The following TCF7L1 variants were observed in gnomAD, a reference collection of about 807,000 sequenced individuals.
TCF7L1 encodes transcription factor 7-like 1.
TCF7L1 carries 18 observed loss-of-function variants against 63.7 expected under a neutral mutation model. The observed-to-expected ratio is 0.28, with a 90% CI of 0.20 to 0.42. The LOEUF (loss-of-function observed/expected upper bound fraction) is 0.42. Ranked by LOEUF, TCF7L1 falls within the 10% of genes least tolerant of loss-of-function variation. TCF7L1 has a pLI of 1.00. For missense variants in TCF7L1, 654 were observed against 779.3 expected, an observed-to-expected ratio of 0.84 and a Z score of 1.91; for synonymous variants, 355 against 340.9, an observed-to-expected ratio of 1.04 and a Z score of -0.46.
Position 85,209,423 on chromosome 2 carries a change from G to A in TCF7L1, c.442-74072G>A, listed in dbSNP as rs139957455. 5.9e-3 allele frequency among the ~76,000 whole-genome samples: 897 copies of A among 152,358 alleles called. 11 individuals are homozygous for A. The highest frequency in any genetic ancestry group is 0.02 in the African/African-American group (841 of 41,572). ...ACTAGGTGTTTCAGTGGCAGTGCCA[G>A]TACTTGCTGGGAATCCTGCTGCTTT... On this transcript the variant is annotated intron_variant, in intron 3 of 11. Transcript: ENST00000282111.
chr2:85,233,434 G>A (rs11690145), intron 3 of TCF7L1, among the ~76,000 whole-genome samples: 4 of 150,724 alleles, frequency 2.7e-5, no homozygotes, highest in African/African-American at 9.8e-5. Context: ...TCCTGCCTCA[G>A]TCTCCTGAGT....
Position 85,309,757 on chromosome 2 carries a change from C to A in TCF7L1, c.*295C>A. 5.9e-6 allele frequency: 2 copies of A among 337,576 alleles called. No individual in the cohort carries two copies. Among genetic ancestry groups the A allele is most frequent in the South Asian group, 2.3e-4 (2 of 8,730 alleles). 20.9% of individuals were successfully genotyped at this position (337,576 alleles called of 1,614,324 possible). On this transcript the variant is annotated 3_prime_UTR_variant, in exon 12 of 12. Coordinates refer to ENST00000282111, the MANE Select transcript of TCF7L1 (RefSeq NM_031283.3). ...GGATGGACCTGGGCAGAGGGCACTT[C>A]TCTCTCTTACCTCTCTTGCACTTTC...
intron 3 of TCF7L1, among the ~76,000 whole-genome samples, chr2:85,205,639 C>G (rs1477770478): frequency 6.6e-6 from 1 of 152,008 alleles, no homozygotes; most frequent in East Asian, 1.9e-4. Context: ...TCAAGCGATC[C>G]TCCCACCTCA....
intron 3 of TCF7L1, among the ~76,000 whole-genome samples, chr2:85,141,204 C>T (rs182101363): frequency 8.1e-6 from 1 of 123,104 alleles, no homozygotes; most frequent in African/African-American, 3.2e-5. Flanking sequence ...CACTGCACCC[C>T]AGCTTGGGTG....
chr2:85,294,760 C>T (rs573925269), intron 4 of TCF7L1, among the ~76,000 whole-genome samples: 25 of 152,208 alleles, frequency 1.6e-4, no homozygotes, highest in Non-Finnish European at 2.9e-4. Flanking sequence ...CAGCCAGGCA[C>T]GGTGACTCAC....
chr2:85,263,170 C>T lies in TCF7L1; in HGVS notation c.442-20325C>T, dbSNP rs560732341. ...ACTTGGGGGCATAAATAGTGAAACA[C>T]TCAGAGAATGGAATGATTGGCTGGC... On this transcript the variant is annotated intron_variant, in intron 3 of 11. Transcript: ENST00000282111. Among the ~76,000 whole-genome samples, 24 of 152,314 alleles carry T rather than the reference C, an allele frequency of 1.6e-4. No homozygotes were observed. In the South Asian group the frequency reaches 4.3e-3, roughly 28 times the overall value.
chr2:85,220,659 C>G (rs933856165), intron 3 of TCF7L1, among the ~76,000 whole-genome samples: 1 of 152,124 alleles, frequency 6.6e-6, no homozygotes, highest in Non-Finnish European at 1.5e-5. Context: ...CCACTGCACC[C>G]AGCCTATAGT....
intron 3 of TCF7L1, among the ~76,000 whole-genome samples, chr2:85,249,975 A>G (rs1216571060): frequency 6.6e-6 from 1 of 152,260 alleles, no homozygotes; most frequent in Admixed American, 6.5e-5. Flanking sequence ...ACATAGGGAC[A>G]GAGAAAGGTA....
At chr2:85,167,725 A>G (rs1457582596) in intron 3 of TCF7L1, among the ~76,000 whole-genome samples, 2 of 152,156 alleles carry the variant, frequency 1.3e-5, no homozygotes, top group Non-Finnish European at 2.9e-5. Flanking sequence ...TAAGCTGAGC[A>G]TGGTGGCACA....
intron 3 of TCF7L1, among the ~76,000 whole-genome samples, chr2:85,137,892 CAA>C (rs374829785): frequency 6.1e-4 from 41 of 67,736 alleles, no homozygotes; most frequent in Non-Finnish European, 6.4e-4. Flanking sequence ...GACTCTGCCT[CAA>C]AAAAAAAAAA....
At chr2:85,284,120 C>T (rs1354947730) in intron 4 of TCF7L1, among the ~76,000 whole-genome samples, 2 of 152,236 alleles carry the variant, frequency 1.3e-5, no homozygotes, top group African/African-American at 2.4e-5. Flanking sequence ...AAGCGATTCT[C>T]CTGCCTCAGC....
Position 85,248,394 on chromosome 2 carries a change from T to C in TCF7L1, c.442-35101T>C, listed in dbSNP as rs550160954. 2.0e-5 allele frequency among the ~76,000 whole-genome samples: 3 copies of C among 152,212 alleles called. No homozygotes were observed. In the South Asian group the frequency reaches 6.2e-4, roughly 32 times the overall value. On this transcript the variant is annotated intron_variant, in intron 3 of 11. Coordinates refer to ENST00000282111, the MANE Select transcript of TCF7L1 (RefSeq NM_031283.3). ...GCATTTCTAACACAATTCCACATAG[T>C]GCTGATGGTACTGGTCCAGGGAACA...
intron 4 of TCF7L1, among the ~76,000 whole-genome samples, chr2:85,301,198 T>G (rs923387192): frequency 2.0e-5 from 3 of 152,258 alleles, no homozygotes; most frequent in Non-Finnish European, 4.4e-5. Context: ...GAGAAGGTTC[T>G]GGGAGAGACA....
At chr2:85,248,484 G>A (rs963479542) in intron 3 of TCF7L1, among the ~76,000 whole-genome samples, 3 of 152,126 alleles carry the variant, frequency 2.0e-5, no homozygotes, top group African/African-American at 7.2e-5. Flanking sequence ...GAGCGGACAG[G>A]CCCCCAGGAG....
At chr2:85,140,397 G>A (rs1677698935) in intron 3 of TCF7L1, among the ~76,000 whole-genome samples, 1 of 152,134 alleles carries the variant, frequency 6.6e-6, no homozygotes, top group African/African-American at 2.4e-5. Context: ...CTTAGAGCAG[G>A]GACAGAAGTC....
intron 3 of TCF7L1, among the ~76,000 whole-genome samples, chr2:85,181,987 G>A (rs553920347): frequency 2.0e-4 from 30 of 152,314 alleles, no homozygotes; most frequent in Non-Finnish European, 4.0e-4. Flanking sequence ...TATGGGGCGG[G>A]CCCTGTGGTG....
At chr2:85,257,854 TTATGAA>T (rs1573013311) in intron 3 of TCF7L1, among the ~76,000 whole-genome samples, 1 of 152,332 alleles carries the variant, frequency 6.6e-6, no homozygotes, top group East Asian at 1.9e-4. Flanking sequence ...GGGTTCCACA[TTATGAA>T]TGTCATGGTT....
intron 3 of TCF7L1, among the ~76,000 whole-genome samples, chr2:85,274,911 G>A (rs1417601705): frequency 6.6e-6 from 1 of 152,164 alleles, no homozygotes; most frequent in Admixed American, 6.5e-5. Flanking sequence ...TCTCCAGTGT[G>A]AGAGGACACT....
chr2:85,279,020 G>A (rs948987632), intron 3 of TCF7L1, among the ~76,000 whole-genome samples: 11 of 152,378 alleles, frequency 7.2e-5, no homozygotes, highest in South Asian at 2.1e-4. Flanking sequence ...GGACCAGCCC[G>A]TGTACACATC....
Sources: gnomAD v4.1 joint callset for allele counts (sites outside exome capture counted in the v4.1 genomes callset) on GRCh38, gnomAD v4.1.1 for gene constraint, MANE v1.5 for transcripts, NCBI Gene and HGNC (gene_info 2026-07-23, HGNC 2026-07-21) for gene names.